RNF212B: variants seen among roughly 807,000 people sequenced by gnomAD.
RNF212B encodes ring finger protein 212B, also known as E3 ubiquitin-protein ligase RNF212B.
RNF212B carries 52 observed loss-of-function variants against 55.5 expected under a neutral mutation model. The observed-to-expected ratio is 0.94, with a 90% CI of 0.75 to 1.18. RNF212B has a LOEUF of 1.18. RNF212B is among the 50% of genes most tolerant of loss of function. The pLI is 0.00. For missense variants in RNF212B, 289 were observed against 350.4 expected (o/e 0.82, Z 1.40); for synonymous variants, 99 against 121.4 (o/e 0.82, Z 1.21).
intron 4 of RNF212B, among the ~76,000 whole-genome samples, chr14:23,250,795 T>C (rs1279117255): frequency 6.6e-6 from 1 of 152,168 alleles, no homozygotes. Flanking sequence ...AATCAACATA[T>C]GTATGATGAA....
intron 2 of RNF212B, among the ~76,000 whole-genome samples, chr14:23,211,805 C>A (rs1385541431): frequency 6.6e-6 from 1 of 152,216 alleles, no homozygotes. Flanking sequence ...TCACTGAAAC[C>A]TCTGCCTCCA....
intron 3 of RNF212B, 31 bp from the exon 4 acceptor site, chr14:23,244,291 A>G: frequency 7.6e-7 from 1 of 1,323,282 alleles, no homozygotes; most frequent in Non-Finnish European, 1.0e-6. Context: ...AATTGTGGAT[A>G]TTCTCACAGT....
intron 1 of RNF212B, chr14:23,188,291 C>T (rs1877787283): frequency 2.0e-5 from 3 of 152,200 alleles, no homozygotes; most frequent in African/African-American, 7.2e-5. Context: ...GAGGCACTGC[C>T]TGTGGCAGGC....
intron 2 of RNF212B, among the ~76,000 whole-genome samples, chr14:23,229,223 TATATATATATATATATA>T (rs759715163): frequency 0.24 from 17,963 of 75,492 alleles, 1,666 homozygotes; most frequent in Non-Finnish European, 0.28. Flanking sequence ...TAATATTTTA[TATATATATATATATATA>T]TATATATATA....
rs1403824628 is a variant in RNF212B, at chr14:23,273,471, G to T, written c.*580G>T. 6.6e-6 allele frequency: 1 copy of T among 152,164 alleles called. No individual in the cohort carries two copies. The highest frequency in any genetic ancestry group is 1.5e-5 in the Non-Finnish European group (1 of 68,052). The allele number at this position is 152,164 out of a possible 1,614,324, so 9.4% of individuals were successfully genotyped here. On this transcript the variant is annotated 3_prime_UTR_variant, in exon 15 of 15. Transcript: ENST00000430154. ...AAAATAAAGACGATGCCCTTTTATT[G>T]CTACAATTCTATCACTTTTACAAGC...
intron 2 of RNF212B, among the ~76,000 whole-genome samples, chr14:23,241,040 CT>C (rs961478301): frequency 4.0e-5 from 6 of 150,574 alleles, no homozygotes; most frequent in Non-Finnish European, 7.4e-5. Context: ...ATTTCAGTGT[CT>C]TTTTTTTTAA....
chr14:23,220,228 AAAAACAAAAACC>A (rs746197801), intron 2 of RNF212B, among the ~76,000 whole-genome samples: 3 of 140,380 alleles, frequency 2.1e-5, no homozygotes, highest in Non-Finnish European at 4.6e-5. Context: ...AAACAAAAAC[AAAAACAAAAACC>A]ATACAACAAG....
chr14:23,209,507 A>G (rs1880264721), intron 2 of RNF212B, among the ~76,000 whole-genome samples: 1 of 152,220 alleles, frequency 6.6e-6, no homozygotes, highest in Non-Finnish European at 1.5e-5. Flanking sequence ...TCCAATGTAT[A>G]AAATATACAT....
chr14:23,263,492 G>A (rs755536821), intron 9 of RNF212B, among the ~76,000 whole-genome samples: 3 of 152,198 alleles, frequency 2.0e-5, no homozygotes, highest in African/African-American at 4.8e-5. Context: ...ATCAATGACT[G>A]GGGGTCAGGT....
chr14:23,188,193 G>A (rs1000746201), intron 1 of RNF212B: 4 of 152,198 alleles, frequency 2.6e-5, no homozygotes, highest in African/African-American at 9.7e-5. Flanking sequence ...TGACACCAGA[G>A]ACAAAAATTC....
intron 4 of RNF212B, among the ~76,000 whole-genome samples, chr14:23,249,241 C>T (rs1342601888): frequency 3.3e-5 from 5 of 152,326 alleles, no homozygotes; most frequent in Non-Finnish European, 7.3e-5. Flanking sequence ...CATCCCTCAG[C>T]TGAATTAAGA....
intron 4 of RNF212B, among the ~76,000 whole-genome samples, chr14:23,255,057 G>A (rs1884729000): frequency 6.6e-6 from 1 of 151,704 alleles, no homozygotes; most frequent in South Asian, 2.1e-4. Context: ...GAGAGAGAGA[G>A]GTAATAGCTA....
intron 2 of RNF212B, among the ~76,000 whole-genome samples, chr14:23,208,757 G>GTTTTTTTTTTTTTTTTTTT (rs1166613606): frequency 8.2e-5 from 8 of 98,114 alleles, no homozygotes; most frequent in African/African-American, 3.7e-4. Flanking sequence ...GCTGGTTGCC[G>GTTTTTTTTTTTTTTTTTTT]TTTTTTTTTT....
At chr14:23,260,769 G>A in intron 7 of RNF212B, 82 bp downstream of exon 7, 1 of 1,193,604 alleles carries the variant, frequency 8.4e-7, no homozygotes, top group Non-Finnish European at 1.2e-6. Context: ...TGAACTCTGA[G>A]AGAGAGAAAA....
intron 2 of RNF212B, among the ~76,000 whole-genome samples, chr14:23,232,052 G>A (rs1171770776): frequency 6.6e-6 from 1 of 152,186 alleles, no homozygotes; most frequent in Non-Finnish European, 1.5e-5. Context: ...TGCAGCCTCT[G>A]CCCGGCTGCC....
chr14:23,210,248 A>G (rs1880349651), intron 2 of RNF212B, among the ~76,000 whole-genome samples: 2 of 152,338 alleles, frequency 1.3e-5, no homozygotes, highest in African/African-American at 2.4e-5. Context: ...TACAAAACAC[A>G]TGACCCATTT....
At chr14:23,228,210 T>C (rs1057111150) in intron 2 of RNF212B, among the ~76,000 whole-genome samples, 3 of 151,904 alleles carry the variant, frequency 2.0e-5, no homozygotes, top group Non-Finnish European at 4.4e-5. Flanking sequence ...CCAGCCTGGG[T>C]GACGAGAGCG....
chr14:23,219,231 A>G (rs1881348412), intron 2 of RNF212B, among the ~76,000 whole-genome samples: 1 of 152,226 alleles, frequency 6.6e-6, no homozygotes, highest in Admixed American at 6.5e-5. Flanking sequence ...CTAATGAGCA[A>G]GAAGAAATCA....
At chr14:23,247,840 G>A (rs932750059) in intron 4 of RNF212B, among the ~76,000 whole-genome samples, 1 of 152,186 alleles carries the variant, frequency 6.6e-6, no homozygotes, top group Admixed American at 6.5e-5. Flanking sequence ...ACTTTTTTAG[G>A]AACTGCCAGA....
Sources: gnomAD v4.1 joint callset for allele counts (sites outside exome capture counted in the v4.1 genomes callset) on GRCh38, gnomAD v4.1.1 for gene constraint, MANE v1.5 for transcripts, NCBI Gene and HGNC (gene_info 2026-07-23, HGNC 2026-07-21) for gene names.